EBF2: variants seen among roughly 807,000 people sequenced by gnomAD.
EBF2 encodes EBF transcription factor 2.
Under a neutral mutation model 72.8 loss-of-function variants are expected in EBF2, and 21 were observed. That is an observed-to-expected ratio of 0.29 (90% CI 0.20 to 0.42). The LOEUF (loss-of-function observed/expected upper bound fraction) is 0.42, where lower values mean the gene tolerates loss of function less well. Among genes scored for constraint, EBF2 ranks in the 10% least tolerant of loss-of-function variants. The pLI is 1.00. For missense variants in EBF2, 637 were observed against 731.2 expected, an observed-to-expected ratio of 0.87 and a Z score of 1.49; for synonymous variants, 299 against 274.2, an observed-to-expected ratio of 1.09 and a Z score of -0.89.
intron 6 of EBF2, among the ~76,000 whole-genome samples, chr8:25,999,257 T>G (rs1804683198): frequency 6.6e-6 from 1 of 152,198 alleles, no homozygotes; most frequent in African/African-American, 2.4e-5. Context: ...ACCATCATTT[T>G]TGTCTATTTT....
intron 6 of EBF2, among the ~76,000 whole-genome samples, chr8:26,008,076 C>G (rs1343473739): frequency 6.6e-6 from 1 of 151,904 alleles, no homozygotes; most frequent in Non-Finnish European, 1.5e-5. Context: ...TCATCATGAC[C>G]AGCAGGGCCT....
intron 13 of EBF2, 147 bp from the exon 14 acceptor site, chr8:25,858,651 C>CTTT (rs34189731): frequency 3.8e-4 from 52 of 136,520 alleles, no homozygotes; most frequent in South Asian, 6.0e-4. Context: ...CCATCTTTAG[C>CTTT]TTTTTTTTTT....
chr8:25,917,215 T>TC (rs1265365484), intron 6 of EBF2, among the ~76,000 whole-genome samples: 1 of 150,092 alleles, frequency 6.7e-6, no homozygotes, highest in Admixed American at 6.6e-5. Context: ...TTTTTTTTTA[T>TC]CCCCCCTTCT....
At chr8:25,876,539 G>T (rs12550487) in intron 10 of EBF2, among the ~76,000 whole-genome samples, 15,905 of 152,136 alleles carry the variant, frequency 0.1, 1,525 homozygotes, top group African/African-American at 0.25. Flanking sequence ...CAGGTAAGGC[G>T]TCTTCTGAGA....
intron 5 of EBF2, among the ~76,000 whole-genome samples, chr8:26,038,387 T>A (rs1217198920): frequency 2.0e-5 from 3 of 152,208 alleles, no homozygotes; most frequent in Non-Finnish European, 2.9e-5. Context: ...ATGCTGCTAC[T>A]TAAACAGCAT....
chr8:25,976,436 A>G (rs9314317), intron 6 of EBF2, among the ~76,000 whole-genome samples: 29,440 of 152,180 alleles, frequency 0.19, 3,542 homozygotes, highest in African/African-American at 0.33. Context: ...AGAGTCACTC[A>G]TAACATTCTG....
chr8:25,969,705 G>C (rs1176165264), intron 6 of EBF2, among the ~76,000 whole-genome samples: 1 of 152,202 alleles, frequency 6.6e-6, no homozygotes, highest in East Asian at 1.9e-4. Context: ...CAAGGCTCAG[G>C]TTTGGGGACA....
intron 6 of EBF2, among the ~76,000 whole-genome samples, chr8:25,937,681 A>G (rs1803601705): frequency 6.6e-6 from 1 of 152,106 alleles, no homozygotes; most frequent in Admixed American, 6.6e-5. Context: ...ACAGTATATT[A>G]TGTTTATATA....
rs117177182 is a variant in EBF2, at chr8:25,899,401, G to A, written c.633+9073C>T. Among the ~76,000 whole-genome samples, 26 of 152,194 alleles carry A rather than the reference G, an allele frequency of 1.7e-4. No individual in the cohort carries two copies. The East Asian group carries it at 4.8e-3, about 28-fold the overall frequency. On this transcript the variant is annotated intron_variant, in intron 7 of 15. Transcript: ENST00000520164. Reference sequence around the variant, plus strand: ...TAAAACTGCTGCTCAGTAGCACTCCGGATTTCAAATGGTAGATGAGATCAC... The same window carrying A: ...TAAAACTGCTGCTCAGTAGCACTCCAGATTTCAAATGGTAGATGAGATCAC...
chr8:25,907,577 T>C (rs888037336), intron 7 of EBF2, among the ~76,000 whole-genome samples: 2 of 152,176 alleles, frequency 1.3e-5, no homozygotes, highest in East Asian at 1.9e-4. Context: ...GCTCCGGGCT[T>C]TACCACCTAC....
At chr8:25,882,187 C>T (rs1802614632) in intron 10 of EBF2, among the ~76,000 whole-genome samples, 1 of 152,176 alleles carries the variant, frequency 6.6e-6, no homozygotes, top group Non-Finnish European at 1.5e-5. Context: ...TACCCCTAGA[C>T]ACTGCTATGG....
intron 6 of EBF2, among the ~76,000 whole-genome samples, chr8:25,943,498 A>G (rs1803714901): frequency 6.6e-6 from 1 of 152,112 alleles, no homozygotes; most frequent in African/African-American, 2.4e-5. Context: ...CAACAGAGCT[A>G]GACCCTGTCT....
chr8:25,967,918 G>T (rs1022211499), intron 6 of EBF2, among the ~76,000 whole-genome samples: 4 of 152,188 alleles, frequency 2.6e-5, no homozygotes, highest in African/African-American at 9.7e-5. Flanking sequence ...GTTTCCAGTA[G>T]CCAGGTAAAG....
intron 6 of EBF2, among the ~76,000 whole-genome samples, chr8:25,936,489 T>G (rs1276479056): frequency 6.6e-6 from 1 of 152,194 alleles, no homozygotes; most frequent in Non-Finnish European, 1.5e-5. Context: ...CCCCAAATTG[T>G]AATAATCAGA....
At chr8:25,878,499 T>C (rs960621386) in intron 10 of EBF2, among the ~76,000 whole-genome samples, 3 of 152,126 alleles carry the variant, frequency 2.0e-5, no homozygotes, top group African/African-American at 4.8e-5. Context: ...AAGACGAAAT[T>C]GGCTTTTCAT....
intron 7 of EBF2, among the ~76,000 whole-genome samples, chr8:25,900,224 G>A (rs537311236): frequency 7.4e-4 from 113 of 152,168 alleles, no homozygotes; most frequent in Non-Finnish European, 1.2e-3. Context: ...GCGAAGCCAA[G>A]GCGAGTGAAT....
At chr8:25,915,031 G>A (rs66929182) in intron 6 of EBF2, among the ~76,000 whole-genome samples, 22,038 of 152,110 alleles carry the variant, frequency 0.14, 2,739 homozygotes, top group African/African-American at 0.34. Flanking sequence ...TGATGAAACA[G>A]TAATTATAAT....
At chr8:25,914,324 T>C (rs1163822139) in intron 6 of EBF2, among the ~76,000 whole-genome samples, 1 of 152,220 alleles carries the variant, frequency 6.6e-6, no homozygotes, top group East Asian at 1.9e-4. Flanking sequence ...ACAGAGAATA[T>C]TCTTTCCTCC....
intron 6 of EBF2, among the ~76,000 whole-genome samples, chr8:25,936,184 T>C (rs955262500): frequency 6.6e-6 from 1 of 152,222 alleles, no homozygotes; most frequent in Admixed American, 6.5e-5. Context: ...AAAGACATTA[T>C]ACTAAAACTC....
Sources: allele counts gnomAD v4.1 joint callset (sites outside exome capture counted in the v4.1 genomes callset), GRCh38; gene constraint gnomAD v4.1.1; transcripts MANE v1.5; gene names NCBI Gene and HGNC (gene_info 2026-07-23, HGNC 2026-07-21).